MSRA: variants seen among roughly 807,000 people sequenced by gnomAD.
MSRA encodes methionine sulfoxide reductase A.
Under a neutral mutation model 31.3 loss-of-function variants are expected in MSRA, and 54 were observed. The ratio of observed to expected loss-of-function variants is 1.73; its 90% CI spans 1.39 to 2.17. MSRA has a LOEUF of 2.17. MSRA is among the 30% of genes most tolerant of loss of function. The probability of loss-of-function intolerance (pLI) is 0.00; values close to 1 mark genes in which losing one functional copy is unlikely to be tolerated. For synonymous variants in MSRA, 169 were observed against 116.5 expected (o/e 1.45, Z -2.90); for missense variants, 507 against 300.9 (o/e 1.69, Z -5.07).
intron 5 of MSRA, among the ~76,000 whole-genome samples, chr8:10,348,842 G>C (rs547653247): frequency 1.1e-3 from 161 of 152,290 alleles, no homozygotes; most frequent in Admixed American, 3.4e-3. Flanking sequence ...GAAGGCTTGG[G>C]GGGGACAAGG....
intron 2 of MSRA, among the ~76,000 whole-genome samples, chr8:10,220,892 G>C (rs1334716551): frequency 6.6e-6 from 1 of 152,212 alleles, no homozygotes; most frequent in African/African-American, 2.4e-5. Flanking sequence ...GTCGTCTGGG[G>C]AATTTCAGGA....
intron 5 of MSRA, chr8:10,337,567 A>G (rs959190607): frequency 6.5e-5 from 41 of 628,998 alleles, no homozygotes; most frequent in Middle Eastern, 2.6e-4. Flanking sequence ...ACATCAATCC[A>G]TGTTCAAGCA....
At chr8:10,116,084 C>G (rs1800656790) in intron 1 of MSRA, among the ~76,000 whole-genome samples, 1 of 152,116 alleles carries the variant, frequency 6.6e-6, no homozygotes, top group Non-Finnish European at 1.5e-5. Context: ...GGTCTGCCCT[C>G]ATGGTGCATG....
At position 10,082,163 on chromosome 8, in the gene MSRA, C is replaced by T. The variant is rs960508083; in HGVS notation, c.142+27505C>T. Among the ~76,000 whole-genome samples, 4 of 152,086 alleles carry T rather than the reference C, an allele frequency of 2.6e-5. No homozygotes were observed. In the East Asian group the frequency reaches 5.8e-4, roughly 22 times the overall value. Reference sequence around the variant, plus strand: ...CAAGACTGAGTGAGCTGTGATGGTGCCACTATACTCCAGTCTGGGTGGTAG... The same window carrying T: ...CAAGACTGAGTGAGCTGTGATGGTGTCACTATACTCCAGTCTGGGTGGTAG... On this transcript the variant is annotated intron_variant, in intron 1 of 5. Transcript: ENST00000317173.
intron 1 of MSRA, among the ~76,000 whole-genome samples, chr8:10,072,813 G>A (rs563970930): frequency 6.6e-6 from 1 of 152,246 alleles, no homozygotes; most frequent in South Asian, 2.1e-4. Flanking sequence ...TCTTGTGCAT[G>A]TTTGCTATGT....
intron 5 of MSRA, among the ~76,000 whole-genome samples, chr8:10,330,823 A>G (rs1182653452): frequency 6.6e-6 from 1 of 152,198 alleles, no homozygotes; most frequent in Non-Finnish European, 1.5e-5. Flanking sequence ...TACAGCATAT[A>G]AAGAAGCCCG....
At chr8:10,348,396 C>A (rs1344714782) in intron 5 of MSRA, among the ~76,000 whole-genome samples, 1 of 78,554 alleles carries the variant, frequency 1.3e-5, no homozygotes, top group Non-Finnish European at 2.5e-5. Flanking sequence ...CAGAGTCTTG[C>A]TCTTGCTCTG....
intron 5 of MSRA, among the ~76,000 whole-genome samples, chr8:10,406,996 G>A (rs1807858793): frequency 6.6e-6 from 1 of 152,144 alleles, no homozygotes; most frequent in South Asian, 2.1e-4. Context: ...TTCCATCTCG[G>A]TCTCCCAAAT....
At chr8:10,306,154 A>G (rs1274719182) in intron 4 of MSRA, among the ~76,000 whole-genome samples, 2 of 152,046 alleles carry the variant, frequency 1.3e-5, no homozygotes, top group African/African-American at 4.8e-5. Context: ...AGGAGTTTTG[A>G]GTTCTGGTCC....
intron 5 of MSRA, among the ~76,000 whole-genome samples, chr8:10,331,638 G>T (rs1013069315): frequency 2.0e-5 from 3 of 152,154 alleles, no homozygotes; most frequent in African/African-American, 4.8e-5. Flanking sequence ...TAATCTTTCA[G>T]GCATTTTACG....
Position 10,205,157 on chromosome 8 carries a change from A to AT in MSRA, c.143-2669dup, listed in dbSNP as rs1401064327. Among the ~76,000 whole-genome samples, 4 of 152,026 alleles carry AT rather than the reference A, an allele frequency of 2.6e-5. No homozygotes were observed. In the East Asian group the frequency reaches 7.7e-4, roughly 29 times the overall value. ...CTTGGAGTTTGTGTCACATGATTAGATTTTTTTCCCTTTGGAAAGATAATT... is the reference window on the plus strand; with the variant it reads ...CTTGGAGTTTGTGTCACATGATTAGATTTTTTTTCCCTTTGGAAAGATAATT... On this transcript the variant is annotated intron_variant, in intron 1 of 5. Transcript: ENST00000317173.
At chr8:10,337,541 G>T (rs1335630524) in intron 5 of MSRA, 2 of 599,190 alleles carry the variant, frequency 3.3e-6, no homozygotes, top group Admixed American at 2.9e-5. Flanking sequence ...ACAGAAAGCA[G>T]CATTAAGTCT....
intron 3 of MSRA, among the ~76,000 whole-genome samples, chr8:10,267,824 G>A (rs1798825565): frequency 6.6e-6 from 1 of 152,130 alleles, no homozygotes; most frequent in Non-Finnish European, 1.5e-5. Flanking sequence ...TACATAATGG[G>A]CCAAAGGTCA....
chr8:10,405,514 T>A (rs10216979), intron 5 of MSRA, among the ~76,000 whole-genome samples: 2 of 152,096 alleles, frequency 1.3e-5, no homozygotes, highest in Admixed American at 6.5e-5. Context: ...CATTTTTTTT[T>A]CCTTCTTTTT....
intron 5 of MSRA, among the ~76,000 whole-genome samples, chr8:10,344,292 G>A (rs1040234526): frequency 1.8e-4 from 27 of 152,244 alleles, no homozygotes; most frequent in African/African-American, 6.3e-4. Context: ...ACTATAGAGT[G>A]GTGGCTGAAT....
chr8:10,351,773 C>T (rs74727783), intron 5 of MSRA, among the ~76,000 whole-genome samples: 791 of 152,266 alleles, frequency 5.2e-3, no homozygotes, highest in Middle Eastern at 0.014. Flanking sequence ...TTCATGTTCA[C>T]CGAAGTCACC....
intron 2 of MSRA, among the ~76,000 whole-genome samples, chr8:10,238,177 C>G (rs116446033): frequency 0.022 from 3,378 of 152,200 alleles, 39 homozygotes; most frequent in Middle Eastern, 0.031. Context: ...TCTTGTTGCC[C>G]CTGTAGGACT....
intron 5 of MSRA, among the ~76,000 whole-genome samples, chr8:10,363,895 C>T (rs1330522716): frequency 6.6e-6 from 1 of 152,124 alleles, no homozygotes; most frequent in Non-Finnish European, 1.5e-5. Flanking sequence ...GGCACCACTG[C>T]AGTCCAGCCT....
chr8:10,321,744 G>A (rs774375532), intron 5 of MSRA, among the ~76,000 whole-genome samples: 1 of 152,206 alleles, frequency 6.6e-6, no homozygotes, highest in African/African-American at 2.4e-5. Context: ...GCCCTGTGCA[G>A]AGGCTTACAT....
Sources: allele counts gnomAD v4.1 joint callset (sites outside exome capture counted in the v4.1 genomes callset), GRCh38; gene constraint gnomAD v4.1.1; transcripts MANE v1.5; gene names NCBI Gene and HGNC (gene_info 2026-07-23, HGNC 2026-07-21).